ZC3H13: variants seen among roughly 807,000 people sequenced by gnomAD.
ZC3H13 encodes the protein zinc finger CCCH domain-containing protein 13.
ZC3H13 carries 64 observed loss-of-function variants against 204.1 expected under a neutral mutation model. The ratio of observed to expected loss-of-function variants is 0.31; its 90% CI spans 0.26 to 0.39. The LOEUF (loss-of-function observed/expected upper bound fraction) is 0.39. ZC3H13 is among the 10% of genes least tolerant of loss of function. The pLI is 1.00. For synonymous variants in ZC3H13, 667 were observed against 693.7 expected, an observed-to-expected ratio of 0.96 and a Z score of 0.60; for missense variants, 1,833 against 2,082.7, an observed-to-expected ratio of 0.88 and a Z score of 2.33.
At chr13:45,974,828 A>C (rs1952881796) in intron 12 of ZC3H13, among the ~76,000 whole-genome samples, 1 of 152,108 alleles carries the variant, frequency 6.6e-6, no homozygotes, top group Non-Finnish European at 1.5e-5. Context: ...TAATTTAAAA[A>C]TTATTTTTTC....
chr13:45,989,501 G>A (rs61953325), intron 8 of ZC3H13, among the ~76,000 whole-genome samples: 5,332 of 152,310 alleles, frequency 0.035, 133 homozygotes, highest in Admixed American at 0.054. Context: ...GTGGCTTTGA[G>A]AATGCCTGTA....
Position 45,985,553 on chromosome 13 carries a change from A to G in ZC3H13, c.1464T>C (p.Asp488=), listed in dbSNP as rs1377907087. ...DSREMRDYSR[D]TKESRDPRDS... ...CTCTGGGATCACGGCTCTCTTTGGT[A>G]TCTCTGCTATAATCTCTCATCTCCC... The change falls in exon 10 of 19, where the codon GAT becomes GAC. Residue 488 remains aspartate (D), a synonymous_variant. Coordinates refer to ENST00000679008, the MANE Select transcript of ZC3H13 (RefSeq NM_001330564.2). The G allele has an allele frequency of 1.2e-6, 2 of 1,613,918 alleles. No homozygotes were observed. Among genetic ancestry groups the G allele is most frequent in the African/African-American group, 1.3e-5 (1 of 74,962 alleles).
At chr13:45,970,124 T>C (rs1400304856) in intron 13 of ZC3H13, among the ~76,000 whole-genome samples, 153 bp from the exon 14 acceptor site, 2 of 152,264 alleles carry the variant, frequency 1.3e-5, no homozygotes, top group Non-Finnish European at 2.9e-5. Context: ...CAAGATCATT[T>C]AAAAACTTTT....
At position 46,003,221 on chromosome 13, in the gene ZC3H13, C is replaced by T; in HGVS notation, c.862G>A (p.Asp288Asn). ...TCTCTTGTTTTTTCTTCTATCCTGTCTTTTACTTTATATTTTTCTTTGTAT... is the reference window on the plus strand; with the variant it reads ...TCTCTTGTTTTTTCTTCTATCCTGTTTTTTACTTTATATTTTTCTTTGTAT... ...KKYKEKYKVKDRIEEKTRDGK... is the reference protein window; with the variant it reads ...KKYKEKYKVKNRIEEKTRDGK... The change falls in exon 8 of 19, where the codon GAC becomes AAC. Residue 288 changes from aspartate (D) to asparagine (N), a missense_variant. Physicochemically the swap from Asp to Asn is conservative, Grantham distance 23. This residue lies in a region of ZC3H13 where 1,574 missense variants were observed against 1,757.2 expected (regional missense o/e 0.90). Coordinates refer to ENST00000679008, the MANE Select transcript of ZC3H13 (RefSeq NM_001330564.2). 1 of 1,613,060 alleles carries T rather than the reference C, an allele frequency of 6.2e-7. No homozygotes were observed. Among genetic ancestry groups the T allele is most frequent in the Non-Finnish European group, 8.5e-7 (1 of 1,179,694 alleles).
rs1211084225 is a variant in ZC3H13, at chr13:45,954,566, A to G, written c.*2561T>C. On this transcript the variant is annotated 3_prime_UTR_variant, in exon 19 of 19. Transcript: ENST00000679008. Reference sequence around the variant, plus strand: ...ATACAATATTTAGAAAGATGGCTATATAATTTTAGCTAGGAAAATCAGTAA... The same window carrying G: ...ATACAATATTTAGAAAGATGGCTATGTAATTTTAGCTAGGAAAATCAGTAA... The G allele has an allele frequency of 6.6e-6, 1 of 152,246 alleles. No homozygotes were observed. Among genetic ancestry groups the G allele is most frequent in the Non-Finnish European group, 1.5e-5 (1 of 68,034 alleles). The allele number at this position is 152,246 out of a possible 1,614,324, so 9.4% of individuals were successfully genotyped here.
intron 4 of ZC3H13, among the ~76,000 whole-genome samples, chr13:46,021,041 C>T (rs1337484868): frequency 6.6e-6 from 1 of 151,928 alleles, no homozygotes; most frequent in African/African-American, 2.4e-5. Flanking sequence ...CCATTCACCA[C>T]AGACTTCTAA....
chr13:45,961,541 AGTGGGGGTGGGGAGAT>A (rs1273684771), intron 17 of ZC3H13, among the ~76,000 whole-genome samples: 74 of 30,500 alleles, frequency 2.4e-3, no homozygotes, highest in South Asian at 3.3e-3. Flanking sequence ...TGGGAAGGGT[AGTGGGGGTGGGGAGAT>A]GTGGGGGTGG....
chr13:45,972,096 G>A (rs1164743024), intron 12 of ZC3H13, among the ~76,000 whole-genome samples: 1 of 151,758 alleles, frequency 6.6e-6, no homozygotes, highest in Non-Finnish European at 1.5e-5. Flanking sequence ...AGTATGGAGA[G>A]TCCCTAAAGA....
At chr13:45,971,603 C>G (rs1952589283) in intron 12 of ZC3H13, among the ~76,000 whole-genome samples, 1 of 152,078 alleles carries the variant, frequency 6.6e-6, no homozygotes, top group South Asian at 2.1e-4. Context: ...CTGGCCTAGG[C>G]AAAGACTTCA....
At chr13:45,985,055 T>A (rs1414909232) in intron 10 of ZC3H13, among the ~76,000 whole-genome samples, 1 of 152,218 alleles carries the variant, frequency 6.6e-6, no homozygotes, top group Admixed American at 6.5e-5. Flanking sequence ...GTGTTCCACA[T>A]TAATCAAGAT....
chr13:46,021,869 T>A (rs947340144), intron 4 of ZC3H13, among the ~76,000 whole-genome samples: 17 of 151,972 alleles, frequency 1.1e-4, no homozygotes, highest in African/African-American at 4.1e-4. Context: ...TTTTGAATGT[T>A]CTGTGGATTA....
At chr13:46,011,908 C>T (rs2041589061) in intron 5 of ZC3H13, among the ~76,000 whole-genome samples, 1 of 152,134 alleles carries the variant, frequency 6.6e-6, no homozygotes. Context: ...ATATTTCATG[C>T]TGTATACGAT....
chr13:46,005,424 A>G, intron 7 of ZC3H13, among the ~76,000 whole-genome samples: 1 of 152,140 alleles, frequency 6.6e-6, no homozygotes, highest in Non-Finnish European at 1.5e-5. Context: ...TATATTCAGT[A>G]ATTTTTAAAG....
intron 11 of ZC3H13, among the ~76,000 whole-genome samples, chr13:45,978,115 T>C (rs1477792882): frequency 2.0e-5 from 3 of 152,148 alleles, no homozygotes; most frequent in Non-Finnish European, 4.4e-5. Flanking sequence ...AATTCAGATG[T>C]CACTTCTTTA....
chr13:46,014,307 A>T (rs1215013890), intron 5 of ZC3H13, among the ~76,000 whole-genome samples: 3 of 152,046 alleles, frequency 2.0e-5, no homozygotes, highest in African/African-American at 7.3e-5. Flanking sequence ...CTAGGTTTTA[A>T]GCCCTGCATG....
At chr13:46,014,892 A>G (rs1169403471) in intron 5 of ZC3H13, among the ~76,000 whole-genome samples, 5 of 152,190 alleles carry the variant, frequency 3.3e-5, no homozygotes, top group African/African-American at 1.2e-4. Context: ...CTTCATTTTA[A>G]CGTCTGCAAA....
intron 4 of ZC3H13, 105 bp downstream of exon 4, chr13:46,042,059 C>T (rs1375968749): frequency 6.0e-6 from 5 of 830,302 alleles, no homozygotes; most frequent in African/African-American, 1.7e-5. Context: ...ATTATAATGC[C>T]GTATTACACA....
rs993094062 is a variant in ZC3H13, at chr13:45,958,657, T to C, written c.4839+826A>G. 1.3e-3 allele frequency among the ~76,000 whole-genome samples: 186 copies of C among 146,400 alleles called. 4 individuals carry two copies. Among genetic ancestry groups the C allele is most frequent in the African/African-American group, 1.7e-3 (68 of 39,978 alleles). On this transcript the variant is annotated intron_variant, in intron 18 of 18. Coordinates refer to ENST00000679008, the MANE Select transcript of ZC3H13 (RefSeq NM_001330564.2). The stretch of plus-strand genomic sequence containing the variant: ...CCAAATAAAAATCCCAGTTTTTTTT[T>C]TTTTTTTTTTTTTTTTGAGATGGAG...
intron 5 of ZC3H13, among the ~76,000 whole-genome samples, chr13:46,016,898 C>T (rs1037472932): frequency 1.3e-5 from 2 of 151,956 alleles, no homozygotes; most frequent in African/African-American, 4.8e-5. Context: ...AGTAGTATAT[C>T]AAGAGAAACA....
Sources: allele counts gnomAD v4.1 joint callset (sites outside exome capture counted in the v4.1 genomes callset), GRCh38; gene constraint gnomAD v4.1.1; regional missense constraint gnomAD v4.1.1; transcripts MANE v1.5; gene names NCBI Gene and HGNC (gene_info 2026-07-23, HGNC 2026-07-21).